Variants in CNTLN observed in about 807,000 individuals in gnomAD.
CNTLN encodes the protein centlein, centrosomal protein.
In CNTLN, 212 loss-of-function variants were observed where a neutral mutation model predicts 180.0. The ratio of observed to expected loss-of-function variants is 1.18; its 90% confidence interval spans 1.05 to 1.32. CNTLN has a LOEUF of 1.32. Ranked by LOEUF, CNTLN falls within the 40% of genes most tolerant of loss-of-function variation. The pLI is 0.00. For synonymous variants in CNTLN, 722 were observed against 563.1 expected (o/e 1.28, Z -3.99); for missense variants, 2,095 against 1,610.9 (o/e 1.30, Z -5.14).
chr9:17,420,497 AC>A (rs1336274976), intron 18 of CNTLN, among the ~76,000 whole-genome samples: 1 of 150,276 alleles, frequency 6.7e-6, no homozygotes. Flanking sequence ...TTTTTGAGAA[AC>A]CAACTTTTTG....
intron 23 of CNTLN, among the ~76,000 whole-genome samples, chr9:17,480,542 T>C (rs1160092773): frequency 6.6e-6 from 1 of 152,140 alleles, no homozygotes; most frequent in East Asian, 1.9e-4. Flanking sequence ...AATCAATAAT[T>C]CAAGTAGAGA....
chr9:17,465,169 C>T lies in CNTLN; in HGVS notation c.3531+546C>T, dbSNP rs145880020. Among the ~76,000 whole-genome samples, 826 of 149,256 alleles carry T rather than the reference C, an allele frequency of 5.5e-3. 10 individuals carry two copies. Among genetic ancestry groups the T allele is most frequent in the African/African-American group, 0.019 (767 of 41,012 alleles). On this transcript the variant is annotated intron_variant, in intron 21 of 25. Coordinates refer to ENST00000380647, the MANE Select transcript of CNTLN (RefSeq NM_017738.4). ...GCTTTTTTCACAACTCATAAAGCAC[C>T]CTGTGCTTTGGCATTCACTAAATGT... is the stretch of plus-strand genomic sequence containing the variant.
chr9:17,520,858 G>A, the CNTLN span, among the ~76,000 whole-genome samples: 3 of 152,130 alleles, frequency 2.0e-5, no homozygotes, highest in African/African-American at 7.2e-5. Flanking sequence ...CTGCCTTGTT[G>A]CCTTGGCGAT....
intron 8 of CNTLN, among the ~76,000 whole-genome samples, chr9:17,329,679 A>G (rs1179979848): frequency 1.3e-5 from 2 of 151,894 alleles, no homozygotes; most frequent in African/African-American, 2.4e-5. Context: ...AGCAGGCACA[A>G]TTGGAAAAGG....
At chr9:17,487,646 C>T (rs1427495662) in intron 25 of CNTLN, among the ~76,000 whole-genome samples, 1 of 152,110 alleles carries the variant, frequency 6.6e-6, no homozygotes, top group Admixed American at 6.6e-5. Flanking sequence ...CAAACATTTT[C>T]CTATCGACAT....
intron 5 of CNTLN, among the ~76,000 whole-genome samples, chr9:17,256,071 A>G (rs1488539971): frequency 6.6e-6 from 1 of 151,856 alleles, no homozygotes; most frequent in African/African-American, 2.4e-5. Context: ...AGCTAAATCC[A>G]TATTGCTGAA....
At chr9:17,298,500 A>T in intron 7 of CNTLN, 148 bp downstream of exon 7, 1 of 1,332,038 alleles carries the variant, frequency 7.5e-7, no homozygotes, top group South Asian at 2.2e-5. Flanking sequence ...AGGATGGTTC[A>T]ATTTGATAAC....
chr9:17,266,840 A>C (rs556653310), intron 5 of CNTLN, among the ~76,000 whole-genome samples: 33 of 152,178 alleles, frequency 2.2e-4, no homozygotes, highest in Admixed American at 4.6e-4. Flanking sequence ...AGTCTGTTTT[A>C]TCAGAGACTA....
At chr9:17,267,713 T>C (rs1827590375) in intron 5 of CNTLN, among the ~76,000 whole-genome samples, 1 of 152,206 alleles carries the variant, frequency 6.6e-6, no homozygotes, top group African/African-American at 2.4e-5. Flanking sequence ...CATAGTCCCA[T>C]ATTTCTTGGA....
the CNTLN span, among the ~76,000 whole-genome samples, chr9:17,522,984 A>G: frequency 7.9e-5 from 12 of 152,178 alleles, no homozygotes; most frequent in African/African-American, 2.9e-4. Flanking sequence ...GCTCCAAAAA[A>G]CTCCATTTCC....
chr9:17,258,450 T>G (rs1317740659), intron 5 of CNTLN, among the ~76,000 whole-genome samples: 3 of 151,406 alleles, frequency 2.0e-5, no homozygotes, highest in African/African-American at 4.9e-5. Context: ...AGGATTGACT[T>G]GGCGATGCGG....
intron 6 of CNTLN, among the ~76,000 whole-genome samples, chr9:17,293,427 C>G (rs1371370183): frequency 6.6e-6 from 1 of 152,218 alleles, no homozygotes; most frequent in East Asian, 1.9e-4. Flanking sequence ...ACTAGAGGCT[C>G]AGTCCCAGCG....
chr9:17,502,731 C>G lies in CNTLN; in HGVS notation c.*79C>G, dbSNP rs138669963. On this transcript the variant is annotated 3_prime_UTR_variant, in exon 26 of 26. Transcript: ENST00000380647. ...TGGAATACATGCATTGCAATCCTGA[C>G]ACGGTATCTGCTCCAACTATCAATA... 2.2e-5 allele frequency: 11 copies of G among 506,092 alleles called. No homozygotes were observed. In the East Asian group the frequency reaches 3.9e-4, roughly 18 times the overall value. 31.4% of individuals were successfully genotyped at this position (506,092 alleles called of 1,614,324 possible).
At chr9:17,395,896 A>G (rs145142176) in intron 15 of CNTLN, among the ~76,000 whole-genome samples, 12 of 152,240 alleles carry the variant, frequency 7.9e-5, no homozygotes, top group Admixed American at 1.3e-4. Context: ...GCATTTCCAG[A>G]TGGTTAAGGC....
chr9:17,251,795 G>C (rs920354334), intron 5 of CNTLN, among the ~76,000 whole-genome samples: 2 of 151,790 alleles, frequency 1.3e-5, no homozygotes, highest in Admixed American at 6.6e-5. Context: ...TTGTTCCCAA[G>C]TATAGGAACC....
intron 12 of CNTLN, among the ~76,000 whole-genome samples, chr9:17,351,194 C>G (rs1238178952): frequency 6.6e-6 from 1 of 152,138 alleles, no homozygotes; most frequent in African/African-American, 2.4e-5. Flanking sequence ...GCCAGCTTTT[C>G]CCCCTGAAAT....
chr9:17,345,759 A>G (rs965640836), intron 12 of CNTLN, among the ~76,000 whole-genome samples: 2 of 152,118 alleles, frequency 1.3e-5, no homozygotes, highest in African/African-American at 2.4e-5. Context: ...ACTGTCAAAC[A>G]TAATTATAAA....
At position 17,302,069 on chromosome 9, in the gene CNTLN, G is replaced by A. The variant is rs181580900; in HGVS notation, c.1146+3717G>A. 37 of 982,578 alleles carry A rather than the reference G, an allele frequency of 3.8e-5. No individual in the cohort carries two copies. In the African/African-American group the frequency reaches 6.0e-4, roughly 16 times the overall value. 60.9% of individuals were successfully genotyped at this position (982,578 alleles called of 1,614,324 possible). On this transcript the variant is annotated intron_variant, in intron 7 of 25. Coordinates refer to ENST00000380647, the MANE Select transcript of CNTLN (RefSeq NM_017738.4). ...TCAGACTATTACTATTCATTATAGT[G>A]TACTGACTACACATATGTGTACACA...
chr9:17,266,169 G>A (rs1827423468), intron 5 of CNTLN, among the ~76,000 whole-genome samples: 1 of 151,832 alleles, frequency 6.6e-6, no homozygotes, highest in Non-Finnish European at 1.5e-5. Flanking sequence ...TCTCTTTTGG[G>A]CATTTAGTGC....
Sources: gnomAD v4.1 joint callset for allele counts (sites outside exome capture counted in the v4.1 genomes callset) on GRCh38, gnomAD v4.1.1 for gene constraint, MANE v1.5 for transcripts, NCBI Gene and HGNC (gene_info 2026-07-23, HGNC 2026-07-21) for gene names.